NXPH1: variants seen among roughly 807,000 people sequenced by gnomAD.
The protein encoded by NXPH1 is neurexophilin-1.
In NXPH1, 5 loss-of-function variants were observed where a neutral mutation model predicts 23.7. The ratio of observed to expected loss-of-function variants is 0.21; its 90% confidence interval spans 0.11 to 0.44. NXPH1 has a LOEUF of 0.44. Among genes scored for constraint, NXPH1 ranks in the 20% least tolerant of loss-of-function variants. NXPH1 has a pLI of 0.99. For missense variants in NXPH1, 324 were observed against 321.6 expected (o/e 1.01, Z -0.06); for synonymous variants, 144 against 122.2 (o/e 1.18, Z -1.18).
chr7:8,744,004 G>A (rs1780425448), intron 2 of NXPH1, among the ~76,000 whole-genome samples: 2 of 152,252 alleles, frequency 1.3e-5, no homozygotes, highest in South Asian at 4.2e-4. Flanking sequence ...AACTCTTCAT[G>A]TGCTCACACT....
At chr7:8,600,956 T>C (rs1445195291) in intron 2 of NXPH1, among the ~76,000 whole-genome samples, 1 of 151,962 alleles carries the variant, frequency 6.6e-6, no homozygotes. Context: ...GTCTACATAA[T>C]ATAGCATAAA....
chr7:8,717,221 T>G (rs751490795), intron 2 of NXPH1, among the ~76,000 whole-genome samples: 2 of 152,188 alleles, frequency 1.3e-5, no homozygotes, highest in African/African-American at 4.8e-5. Flanking sequence ...TGTCTCTAGC[T>G]GTATTCATGT....
intron 2 of NXPH1, among the ~76,000 whole-genome samples, chr7:8,568,744 G>A (rs1450752055): frequency 6.6e-6 from 1 of 151,768 alleles, no homozygotes; most frequent in East Asian, 2.0e-4. Flanking sequence ...GCTGGTACTT[G>A]AGGTCTATGT....
chr7:8,505,537 G>T (rs76186426), intron 2 of NXPH1, among the ~76,000 whole-genome samples: 1 of 151,936 alleles, frequency 6.6e-6, no homozygotes, highest in Non-Finnish European at 1.5e-5. Context: ...AGCAATAAAA[G>T]AAAAACAGTC....
At chr7:8,464,217 T>C (rs147639057) in intron 2 of NXPH1, among the ~76,000 whole-genome samples, 113 of 152,306 alleles carry the variant, frequency 7.4e-4, no homozygotes, top group African/African-American at 2.5e-3. Context: ...TAGCCATCCC[T>C]AGACATCTTT....
chr7:8,505,324 T>C (rs761286750), intron 2 of NXPH1, among the ~76,000 whole-genome samples: 10 of 152,066 alleles, frequency 6.6e-5, no homozygotes, highest in Non-Finnish European at 1.5e-4. Context: ...AACAACCTTC[T>C]TGATCTTTGA....
chr7:8,653,830 C>T (rs1336523771), intron 2 of NXPH1, among the ~76,000 whole-genome samples: 3 of 152,160 alleles, frequency 2.0e-5, no homozygotes, highest in Non-Finnish European at 4.4e-5. Context: ...GGACTTCATG[C>T]ATTTTCTTGT....
intron 2 of NXPH1, among the ~76,000 whole-genome samples, chr7:8,657,242 G>A (rs915614016): frequency 6.6e-6 from 1 of 152,212 alleles, no homozygotes; most frequent in African/African-American, 2.4e-5. Flanking sequence ...AATGCCATAA[G>A]GTAGTGCAAG....
At chr7:8,560,323 A>G (rs1244868182) in intron 2 of NXPH1, among the ~76,000 whole-genome samples, 1 of 151,758 alleles carries the variant, frequency 6.6e-6, no homozygotes, top group Non-Finnish European at 1.5e-5. Flanking sequence ...GACTGTTGAC[A>G]TTTGAAAACC....
chr7:8,483,224 C>G (rs1229945770), intron 2 of NXPH1, among the ~76,000 whole-genome samples: 2 of 152,042 alleles, frequency 1.3e-5, no homozygotes, highest in South Asian at 2.1e-4. Flanking sequence ...CAAGTAATTG[C>G]TTATAATATC....
intron 2 of NXPH1, among the ~76,000 whole-genome samples, chr7:8,480,434 C>A (rs1162136607): frequency 6.6e-6 from 1 of 152,140 alleles, no homozygotes; most frequent in African/African-American, 2.4e-5. Context: ...GCCCAATGCT[C>A]CAGAGAATAG....
At chr7:8,473,141 C>T (rs538285025) in intron 2 of NXPH1, among the ~76,000 whole-genome samples, 11 of 152,262 alleles carry the variant, frequency 7.2e-5, no homozygotes, top group South Asian at 2.1e-4. Context: ...TTACCATTTT[C>T]GTATCTGAAG....
At chr7:8,536,638 C>T (rs1203932819) in intron 2 of NXPH1, among the ~76,000 whole-genome samples, 2 of 152,000 alleles carry the variant, frequency 1.3e-5, no homozygotes, top group East Asian at 3.9e-4. Context: ...CATTGGTTCA[C>T]TTGCTCTTAG....
chr7:8,531,914 C>A (rs967977459), intron 2 of NXPH1, among the ~76,000 whole-genome samples: 2 of 152,130 alleles, frequency 1.3e-5, no homozygotes, highest in South Asian at 4.1e-4. Context: ...GATCTTATTA[C>A]CAGGACCTGG....
chr7:8,560,492 A>T (rs1313043686), intron 2 of NXPH1, among the ~76,000 whole-genome samples: 1 of 151,828 alleles, frequency 6.6e-6, no homozygotes, highest in East Asian at 2.0e-4. Flanking sequence ...ACTTGAATCC[A>T]CATTATTACT....
chr7:8,500,606 G>A (rs757704), intron 2 of NXPH1, among the ~76,000 whole-genome samples: 82,483 of 151,796 alleles, frequency 0.54, 22,675 homozygotes, highest in East Asian at 0.8. Context: ...TTTGTGAAGG[G>A]CACAGTATTA....
At chr7:8,650,101 T>G (rs1820467297) in intron 2 of NXPH1, among the ~76,000 whole-genome samples, 1 of 152,194 alleles carries the variant, frequency 6.6e-6, no homozygotes, top group Non-Finnish European at 1.5e-5. Context: ...AATGAACAAT[T>G]TTTATCTTAA....
intron 2 of NXPH1, among the ~76,000 whole-genome samples, chr7:8,498,493 A>C (rs1817376543): frequency 6.6e-6 from 1 of 152,046 alleles, no homozygotes; most frequent in South Asian, 2.1e-4. Context: ...CCAGCCTTGG[A>C]TGAAGTTAAT....
intron 2 of NXPH1, among the ~76,000 whole-genome samples, chr7:8,560,085 C>T (rs1260600927): frequency 6.6e-6 from 1 of 151,656 alleles, no homozygotes; most frequent in African/African-American, 2.4e-5. Context: ...AGTTACAAAA[C>T]AGAATTCTAC....
Sources: allele counts gnomAD v4.1 joint callset (sites outside exome capture counted in the v4.1 genomes callset), GRCh38; gene constraint gnomAD v4.1.1; transcripts MANE v1.5; gene names NCBI Gene and HGNC (gene_info 2026-07-23, HGNC 2026-07-21).